RBFOX1: variants seen among roughly 807,000 people sequenced by gnomAD.
The protein encoded by RBFOX1 is RNA binding protein fox-1 homolog 1.
A neutral mutation model predicts 57.7 loss-of-function variants in RBFOX1; 8 were observed. The ratio of observed to expected loss-of-function variants is 0.14; its 90% confidence interval spans 0.08 to 0.25. The LOEUF is 0.25. Ranked by LOEUF, RBFOX1 falls within the 10% of genes least tolerant of loss-of-function variation. The pLI, the probability that RBFOX1 is intolerant of heterozygous loss-of-function variation, is 1.00. For synonymous variants in RBFOX1, 326 were observed against 222.4 expected, an observed-to-expected ratio of 1.47 and a Z score of -4.15; for missense variants, 611 against 548.5, an observed-to-expected ratio of 1.11 and a Z score of -1.14.
intron 4 of RBFOX1, among the ~76,000 whole-genome samples, chr16:7,192,017 C>T (rs1727227817): frequency 6.6e-6 from 1 of 152,120 alleles, no homozygotes; most frequent in Non-Finnish European, 1.5e-5. Context: ...CATCGTTTAA[C>T]ATTTTATTAG....
At chr16:6,122,597 G>A (rs1004727236) in intron 1 of RBFOX1, among the ~76,000 whole-genome samples, 3 of 152,098 alleles carry the variant, frequency 2.0e-5, no homozygotes, top group East Asian at 1.9e-4. Context: ...TAGGCCTTCC[G>A]TGTGACACCC....
chr16:7,456,020 T>TGGTC lies in RBFOX1; in HGVS notation c.28-62126_28-62123dup, dbSNP rs2058441808. Among the ~76,000 whole-genome samples the TGGTC allele has an allele frequency of 2.0e-5, 3 of 152,208 alleles. No individual in the cohort carries two copies. The South Asian group carries it at 6.2e-4, about 32-fold the overall frequency. ...CAGCTTTAAGGGCACATTCCCTGCA[T>TGGTC]GGTCATGCAGGGCCCCAGGCTTTGA... On this transcript the variant is annotated intron_variant, in intron 4 of 15. Coordinates refer to ENST00000550418, the MANE Select transcript of RBFOX1 (RefSeq NM_018723.4).
At chr16:7,218,791 A>C (rs1468952875) in intron 4 of RBFOX1, among the ~76,000 whole-genome samples, 5 of 151,554 alleles carry the variant, frequency 3.3e-5, no homozygotes, top group African/African-American at 9.7e-5. Context: ...CTTCTACTGC[A>C]CGATGCAATC....
At chr16:5,871,208 C>T (rs932116591) in intron 4 of RBFOX1, among the ~76,000 whole-genome samples, 18 of 152,222 alleles carry the variant, frequency 1.2e-4, no homozygotes, top group African/African-American at 4.3e-4. Context: ...GCTTTATCTT[C>T]TGACCAAATT....
chr16:7,166,972 C>CTTTTTTT lies in RBFOX1; in HGVS notation c.27+114903_27+114909dup, dbSNP rs537293692. On this transcript the variant is annotated intron_variant, in intron 4 of 15. Transcript: ENST00000550418. The stretch of plus-strand genomic sequence containing the variant: ...AGCCCCAGATTGCTGCATTGGTGTT[C>CTTTTTTT]TTTTTTTTTTTTTTTTTTTTTTTTT... Among the ~76,000 whole-genome samples, 184 of 49,084 alleles carry CTTTTTTT rather than the reference C, an allele frequency of 3.7e-3. 12 individuals carry two copies. Among genetic ancestry groups the CTTTTTTT allele is most frequent in the Middle Eastern group, 0.034 (2 of 58 alleles). 32.2% of individuals were successfully genotyped at this position (49,084 alleles called of 152,430 possible).
chr16:5,502,953 C>T (rs767616509), intron 2 of RBFOX1, among the ~76,000 whole-genome samples: 16 of 152,218 alleles, frequency 1.1e-4, no homozygotes, highest in South Asian at 4.1e-4. Flanking sequence ...CTTGCTACAA[C>T]GATTGCTTGG....
intron 5 of RBFOX1, among the ~76,000 whole-genome samples, chr16:7,523,709 T>C (rs1477135805): frequency 6.6e-6 from 1 of 152,172 alleles, no homozygotes; most frequent in Non-Finnish European, 1.5e-5. Flanking sequence ...TGAACTGGTA[T>C]TGGGTAAGTG....
At chr16:7,327,439 C>G (rs1271814634) in intron 4 of RBFOX1, among the ~76,000 whole-genome samples, 2 of 152,146 alleles carry the variant, frequency 1.3e-5, no homozygotes, top group African/African-American at 4.8e-5. Context: ...TGTCTGGAAA[C>G]AAAGTGAGTG....
At chr16:6,861,823 G>GTTTTTTTTTTTTTTTTTTTTTT (rs35138717) in intron 3 of RBFOX1, among the ~76,000 whole-genome samples, 14 of 92,454 alleles carry the variant, frequency 1.5e-4, no homozygotes, top group South Asian at 4.5e-4. Context: ...GCGTCCCTTG[G>GTTTTTTTTTTTTTTTTTTTTTT]TTTTTTTTTT....
intron 1 of RBFOX1, among the ~76,000 whole-genome samples, chr16:6,036,171 TTGAGAAGC>T (rs1360944950): frequency 6.6e-6 from 1 of 152,134 alleles, no homozygotes; most frequent in African/African-American, 2.4e-5. Flanking sequence ...GCAAAGAACA[TTGAGAAGC>T]TGCAGGACGT....
Position 7,431,496 on chromosome 16 carries a change from C to T in RBFOX1, c.28-86651C>T, listed in dbSNP as rs114481569. On this transcript the variant is annotated intron_variant, in intron 4 of 15. Coordinates refer to ENST00000550418, the MANE Select transcript of RBFOX1 (RefSeq NM_018723.4). ...ACTCAAGTGATCCTTCCACTTTGGC[C>T]TCCCAAAGTGTGGGATTATGGGCGT... Among the ~76,000 whole-genome samples, 361 of 152,242 alleles carry T rather than the reference C, an allele frequency of 2.4e-3. 1 individual carries two copies. The highest frequency in any genetic ancestry group is 8.4e-3 in the African/African-American group (349 of 41,526).
intron 4 of RBFOX1, among the ~76,000 whole-genome samples, chr16:7,232,851 A>G (rs1418042082): frequency 1.1e-5 from 1 of 87,832 alleles, no homozygotes; most frequent in Non-Finnish European, 2.0e-5. Flanking sequence ...TTCATCTCTT[A>G]ATTAAAAAAA....
chr16:7,037,356 C>G lies in RBFOX1; in HGVS notation c.-15-14701C>G, dbSNP rs529296371. 1.2e-3 allele frequency among the ~76,000 whole-genome samples: 177 copies of G among 150,934 alleles called. 1 individual carries two copies. Among genetic ancestry groups the G allele is most frequent in the Middle Eastern group, 0.01 (3 of 286 alleles). The stretch of plus-strand genomic sequence containing the variant: ...TCCCAGGTTCAAGAGCTTCTCCTGC[C>G]TCAGCCTCCCAAGTAGCTGGGATTA... On this transcript the variant is annotated intron_variant, in intron 3 of 15. Transcript: ENST00000550418.
intron 4 of RBFOX1, among the ~76,000 whole-genome samples, chr16:7,070,127 C>T (rs76536445): frequency 0.027 from 4,155 of 152,274 alleles, 89 homozygotes; most frequent in Middle Eastern, 0.054. Flanking sequence ...CAAGCAACTG[C>T]CGCTGTGCTC....
intron 3 of RBFOX1, among the ~76,000 whole-genome samples, chr16:6,683,666 G>A (rs2059006929): frequency 6.6e-6 from 1 of 152,086 alleles, no homozygotes; most frequent in Admixed American, 6.5e-5. Flanking sequence ...CAGGTTTAAG[G>A]CGAAAGCAAG....
At chr16:7,064,199 C>T (rs1244855294) in intron 4 of RBFOX1, among the ~76,000 whole-genome samples, 1 of 136,790 alleles carries the variant, frequency 7.3e-6, no homozygotes, top group Non-Finnish European at 1.5e-5. Flanking sequence ...GGTGGAGTCT[C>T]ACTATGTGGC....
At chr16:5,970,487 T>C (rs1470093089) in intron 4 of RBFOX1, among the ~76,000 whole-genome samples, 1 of 152,180 alleles carries the variant, frequency 6.6e-6, no homozygotes, top group Non-Finnish European at 1.5e-5. Context: ...AGGAACATTC[T>C]CTAGGTTCTA....
At position 6,652,793 on chromosome 16, in the gene RBFOX1, A is replaced by G. The variant is rs144762458; in HGVS notation, c.-63-1810A>G. Among the ~76,000 whole-genome samples the G allele has an allele frequency of 1.6e-3, 244 of 152,222 alleles. 1 individual carries two copies. Among genetic ancestry groups the G allele is most frequent in the Middle Eastern group, 0.01 (3 of 294 alleles). ...AGTGAAGAGTTATTGTTTAATGGGT[A>G]CAGGTGGAAAAATGAAAAAATTCTG... On this transcript the variant is annotated intron_variant, in intron 2 of 15. Coordinates refer to ENST00000550418, the MANE Select transcript of RBFOX1 (RefSeq NM_018723.4).
intron 1 of RBFOX1, among the ~76,000 whole-genome samples, chr16:5,432,548 T>TG (rs1240150069): frequency 2.2e-5 from 3 of 133,348 alleles, no homozygotes; most frequent in Admixed American, 7.9e-5. Context: ...TTTTTTTTTT[T>TG]TTGTTTGTTT....
Sources: gnomAD v4.1 joint callset for allele counts (sites outside exome capture counted in the v4.1 genomes callset) on GRCh38, gnomAD v4.1.1 for gene constraint, MANE v1.5 for transcripts, NCBI Gene and HGNC (gene_info 2026-07-23, HGNC 2026-07-21) for gene names.